The following ATG4D variants were observed in gnomAD, a reference collection of about 807,000 sequenced individuals.
ATG4D encodes the protein cysteine protease ATG4D.
A neutral mutation model predicts 55.2 loss-of-function variants in ATG4D; 51 were observed. The observed-to-expected ratio is 0.92, with a 90% CI of 0.74 to 1.17. ATG4D has a LOEUF of 1.17. Ranked by LOEUF, ATG4D falls within the 50% of genes most tolerant of loss-of-function variation. The probability of loss-of-function intolerance (pLI) is 0.00; values close to 1 mark genes in which losing one functional copy is unlikely to be tolerated. For synonymous variants in ATG4D, 268 were observed against 266.2 expected (o/e 1.01, Z -0.07); for missense variants, 635 against 649.6 (o/e 0.98, Z 0.25).
intron 7 of ATG4D, 23 bp from the exon 8 acceptor site, chr19:10,552,022 A>ACTCACACCTGCACCCCCT (rs749820122): frequency 1.1e-6 from 1 of 886,912 alleles, no homozygotes; most frequent in East Asian, 8.3e-5. Context: ...CCGCACCCCC[A>ACTCACACCTGCACCCCCT]CTCACACCTG....
At chr19:10,544,895 G>T in intron 2 of ATG4D, 29 bp downstream of exon 2, 1 of 1,597,330 alleles carries the variant, frequency 6.3e-7, no homozygotes, top group South Asian at 1.1e-5. Flanking sequence ...CCAGGGCTGG[G>T]GGAGGCCTCT....
chr19:10,550,619 C>T (rs543568172), intron 6 of ATG4D, among the ~76,000 whole-genome samples: 2 of 152,216 alleles, frequency 1.3e-5, no homozygotes, highest in Non-Finnish European at 2.9e-5. Context: ...ACAGGGGCCT[C>T]CTCACCTATT....
At position 10,551,651 on chromosome 19, in the gene ATG4D, T is replaced by C. The variant is rs192654261; in HGVS notation, c.967-246T>C. The stretch of plus-strand genomic sequence containing the variant: ...GGAGGCGGAGGTTGCGGTGAGCCAA[T>C]TGGGCCACTGCACTCCAGGCTGGGT... On this transcript the variant is annotated intron_variant, in intron 6 of 9. Transcript: ENST00000309469. Among the ~76,000 whole-genome samples, 31 of 148,144 alleles carry C rather than the reference T, an allele frequency of 2.1e-4. No homozygotes were observed. The East Asian group carries it at 5.7e-3, about 27-fold the overall frequency.
chr19:10,546,101 G>A lies in ATG4D; in HGVS notation c.494-738G>A, dbSNP rs570278734. On this transcript the variant is annotated intron_variant, in intron 3 of 9. Coordinates refer to ENST00000309469, the MANE Select transcript of ATG4D (RefSeq NM_032885.6). The stretch of plus-strand genomic sequence containing the variant: ...ATTAGGAGGCTGAGGCAGGAGGATC[G>A]CTTGAGCATAGGCATTCGACACCAG... Among the ~76,000 whole-genome samples the A allele has an allele frequency of 2.3e-3, 349 of 151,964 alleles. 3 individuals carry two copies. Among genetic ancestry groups the A allele is most frequent in the Middle Eastern group, 3.4e-3 (1 of 294 alleles).
In ATG4D at chr19:10,544,046, CGCAG is replaced by C. The variant is rs1915948708; in HGVS notation, c.-44_-41del. On this transcript the variant is annotated 5_prime_UTR_variant, in exon 1 of 10. Coordinates refer to ENST00000309469, the MANE Select transcript of ATG4D (RefSeq NM_032885.6). ...CGGGTCGCCCTTGGGGGGCAGCGGC[CGCAG>C]CCCCCCACCTGGGCCCTCGGTCCGC... The C allele has an allele frequency of 2.5e-6, 3 of 1,209,158 alleles. No homozygotes were observed. In the African/African-American group the frequency reaches 4.7e-5, roughly 19 times the overall value. The allele number at this position is 1,209,158 out of a possible 1,614,324, so 74.9% of individuals were successfully genotyped here. A position where few individuals can be genotyped will look rare whatever the true frequency, so the allele number is the denominator to read the frequency against.
In ATG4D at chr19:10,548,328, C is replaced by T. The variant is rs548029461; in HGVS notation, c.836-576C>T. The stretch of plus-strand genomic sequence containing the variant: ...GATTACAAGCTGGAGCCACCGTGCC[C>T]GGCTACCTCTGTAAATTTTTTATGC... On this transcript the variant is annotated intron_variant, in intron 5 of 9. Transcript: ENST00000309469. 7.9e-5 allele frequency among the ~76,000 whole-genome samples: 12 copies of T among 151,974 alleles called. No homozygotes were observed. In the East Asian group the frequency reaches 1.7e-3, roughly 22 times the overall value.
chr19:10,552,789 A>C (rs1599526050), intron 9 of ATG4D, 96 bp from the exon 10 acceptor site: 1 of 1,310,668 alleles, frequency 7.6e-7, no homozygotes, highest in East Asian at 2.3e-5. Flanking sequence ...TCTCTCCTGG[A>C]GAGGTGGTCC....
Position 10,553,277 on chromosome 19 carries a change from G to T in ATG4D, c.*210G>T. 1 of 631,710 alleles carries T rather than the reference G, an allele frequency of 1.6e-6. No homozygotes were observed. The highest frequency in any genetic ancestry group is 2.9e-5 in the East Asian group (1 of 34,616). The allele number at this position is 631,710 out of a possible 1,614,324, so 39.1% of individuals were successfully genotyped here. On this transcript the variant is annotated 3_prime_UTR_variant, in exon 10 of 10. Coordinates refer to ENST00000309469, the MANE Select transcript of ATG4D (RefSeq NM_032885.6). Reference sequence around the variant, plus strand: ...CCACCAGCGGGGCCCTCCTGGCAGGGTAGGGAAGGAGGACCCCGGGCACCC... The same window carrying T: ...CCACCAGCGGGGCCCTCCTGGCAGGTTAGGGAAGGAGGACCCCGGGCACCC...
chr19:10,549,008 A>T lies in ATG4D; in HGVS notation c.940A>T (p.Asn314Tyr). Residue 314 changes from asparagine to tyrosine, a missense_variant, in exon 6 of 10, where the codon AAC becomes TAC. Asn to Tyr is a moderately radical substitution (Grantham distance 143). Coordinates refer to ENST00000309469, the MANE Select transcript of ATG4D (RefSeq NM_032885.6). ...CGTGCGACTGGGTGGCGAGACTCTC[A>T]ACCCCGTGTATGTGCCCTGCGTGAA... ...VPVRLGGETLNPVYVPCVKEL... is the reference protein window; with the variant it reads ...VPVRLGGETLYPVYVPCVKEL... 6.2e-7 allele frequency: 1 copy of T among 1,613,762 alleles called. No individual in the cohort carries two copies. Among genetic ancestry groups the T allele is most frequent in the Non-Finnish European group, 8.5e-7 (1 of 1,179,974 alleles).
chr19:10,545,140 AG>A lies in ATG4D; in HGVS notation c.493+16del. 2 of 1,606,098 alleles carry A rather than the reference AG, an allele frequency of 1.2e-6. No individual in the cohort carries two copies. On this transcript the variant is annotated intron_variant, in intron 3 of 9. Transcript: ENST00000309469. ...CATTTCCTGCCCAGAGGTGAGCCAT[AG>A]GGGGGAAGGGGTGCACTAGGAGTAC...
chr19:10,549,084 T>G, intron 6 of ATG4D, 50 bp downstream of exon 6: 1 of 1,606,520 alleles, frequency 6.2e-7, no homozygotes, highest in Non-Finnish European at 8.5e-7. Flanking sequence ...CCCTCCAGAC[T>G]TGTTTAGTTT....
Position 10,545,895 on chromosome 19 carries a change from A to C in ATG4D, c.493+765A>C, listed in dbSNP as rs117005324. ...AAAAAAAAAAGAGTTTTGGCTGGGC[A>C]CTGTGCTGCATGCTTGTAATCCCAG... On this transcript the variant is annotated intron_variant, in intron 3 of 9. Transcript: ENST00000309469. 1.3e-3 allele frequency among the ~76,000 whole-genome samples: 201 copies of C among 151,142 alleles called. 3 individuals carry two copies. In the East Asian group the frequency reaches 0.034, roughly 26 times the overall value.
intron 1 of ATG4D, 71 bp from the exon 2 acceptor site, chr19:10,544,712 G>A (rs1006368498): frequency 1.3e-6 from 2 of 1,597,528 alleles, no homozygotes; most frequent in African/African-American, 2.7e-5. Flanking sequence ...TTCACAGATG[G>A]GGGAATGGAA....
chr19:10,551,787 TG>T, intron 6 of ATG4D, 109 bp from the exon 7 acceptor site: 2 of 918,902 alleles, frequency 2.2e-6, no homozygotes, highest in Non-Finnish European at 3.5e-6. Context: ...AAGGGTTTTG[TG>T]GTCTTGATCA....
In ATG4D at chr19:10,546,337, TTTA is replaced by T. The variant is rs903248529; in HGVS notation, c.494-487_494-485del. ...ATCCTGTCTTTATTTATTTATTTTA[TTTA>T]TTATTATTATTATTTTTTTTTTTGA... On this transcript the variant is annotated intron_variant, in intron 3 of 9. Coordinates refer to ENST00000309469, the MANE Select transcript of ATG4D (RefSeq NM_032885.6). 1.8e-3 allele frequency among the ~76,000 whole-genome samples: 274 copies of T among 151,102 alleles called. 2 individuals carry two copies. The highest frequency in any genetic ancestry group is 6.8e-3 in the Middle Eastern group (2 of 292).
In ATG4D at chr19:10,552,122, G is replaced by GT; in HGVS notation, c.1122+2dup. On this transcript the variant is annotated splice_donor_variant, in intron 8 of 9. Coordinates refer to ENST00000309469, the MANE Select transcript of ATG4D (RefSeq NM_032885.6). LOFTEE classifies it high-confidence loss of function. ...CAGCCAGGCCGACTTCCCCCTGGAG[G>GT]TGAGTGGGAGCCCCAGTGTGTGGTT... 6.2e-7 allele frequency: 1 copy of GT among 1,611,800 alleles called. No individual in the cohort carries two copies. The highest frequency in any genetic ancestry group is 1.1e-5 in the South Asian group (1 of 91,080).
chr19:10,545,116 A>G lies in ATG4D; in HGVS notation c.479A>G (p.His160Arg). 6.2e-7 allele frequency: 1 copy of G among 1,610,740 alleles called. No homozygotes were observed. Among genetic ancestry groups the G allele is most frequent in the Non-Finnish European group, 8.5e-7 (1 of 1,179,996 alleles). The change falls in exon 3 of 10, where the codon CAT (histidine) becomes CGT (arginine). Residue 160 changes from histidine (H) to arginine (R), a missense_variant. Transcript: ENST00000309469. ...QMMLAQGLLL[H>R]FLPRDWTWAE... Reference sequence around the variant, plus strand: ...ATGCTGGCACAGGGCCTTCTGCTGCATTTCCTGCCCAGAGGTGAGCCATAG... The same window carrying G: ...ATGCTGGCACAGGGCCTTCTGCTGCGTTTCCTGCCCAGAGGTGAGCCATAG...
intron 3 of ATG4D, 111 bp from the exon 4 acceptor site, chr19:10,546,728 C>T: frequency 8.9e-7 from 1 of 1,121,558 alleles, no homozygotes; most frequent in Non-Finnish European, 1.3e-6. Flanking sequence ...TATGTAAATT[C>T]TGTTGAATTA....
rs142082988 is a variant in ATG4D at position 10,551,945 on chromosome 19, C to T, written c.1015C>T (p.Arg339Ter). 8.7e-6 allele frequency: 14 copies of T among 1,613,682 alleles called. No homozygotes were observed. Among genetic ancestry groups the T allele is most frequent in the East Asian group, 2.2e-5 (1 of 44,872 alleles). Reference protein sequence around the residue: ...LCLGIMGGKPRHSLYFIGYQD... With the variant: ...LCLGIMGGKP Reference sequence around the variant, plus strand: ...CCTGGGCATCATGGGTGGGAAACCGCGACACTCACTGTACTTCATTGGCTA... The same window carrying T: ...CCTGGGCATCATGGGTGGGAAACCGTGACACTCACTGTACTTCATTGGCTA... Residue 339 changes from arginine to a stop codon, truncating the protein, a stop_gained, in exon 7 of 10, where the codon CGA becomes TGA. Coordinates refer to ENST00000309469, the MANE Select transcript of ATG4D (RefSeq NM_032885.6). LOFTEE classifies it high-confidence loss of function.
Sources: allele counts gnomAD v4.1 joint callset (sites outside exome capture counted in the v4.1 genomes callset), GRCh38; gene constraint gnomAD v4.1.1; transcripts MANE v1.5; gene names NCBI Gene and HGNC (gene_info 2026-07-23, HGNC 2026-07-21).